CNTNAP2: variants seen among roughly 807,000 people sequenced by gnomAD.
The protein encoded by CNTNAP2 is contactin-associated protein-like 2.
Under a neutral mutation model 155.2 loss-of-function variants are expected in CNTNAP2, and 98 were observed. That is an observed-to-expected ratio of 0.63 (90% CI 0.54 to 0.75). CNTNAP2 has a LOEUF of 0.75. Ranked by LOEUF, CNTNAP2 falls within the 30% of genes least tolerant of loss-of-function variation. The pLI is 0.00. For missense variants in CNTNAP2, 1,727 were observed against 1,688.1 expected, an observed-to-expected ratio of 1.02 and a Z score of -0.40; for synonymous variants, 651 against 631.2, an observed-to-expected ratio of 1.03 and a Z score of -0.47.
intron 1 of CNTNAP2, among the ~76,000 whole-genome samples, chr7:146,299,552 T>G (rs1282487343): frequency 6.6e-6 from 1 of 152,076 alleles, no homozygotes; most frequent in Non-Finnish European, 1.5e-5. Flanking sequence ...AGCTAATTTT[T>G]TAGTTATTTT....
intron 2 of CNTNAP2, among the ~76,000 whole-genome samples, chr7:146,811,547 G>A (rs1803066383): frequency 6.6e-6 from 1 of 151,720 alleles, no homozygotes; most frequent in African/African-American, 2.4e-5. Flanking sequence ...TCTAGCTAAA[G>A]GTATATAAAT....
chr7:147,533,261 C>T (rs887452090), intron 11 of CNTNAP2, among the ~76,000 whole-genome samples: 4 of 152,054 alleles, frequency 2.6e-5, no homozygotes, highest in Admixed American at 2.6e-4. Context: ...TTTATTCATG[C>T]CTAGGACAAA....
chr7:147,462,971 T>A (rs567168957), intron 10 of CNTNAP2, among the ~76,000 whole-genome samples: 1 of 152,316 alleles, frequency 6.6e-6, no homozygotes, highest in South Asian at 2.1e-4. Flanking sequence ...ATGGTAAAAC[T>A]GTTTTATTTG....
intron 13 of CNTNAP2, among the ~76,000 whole-genome samples, chr7:147,829,079 T>C (rs1453039270): frequency 6.6e-6 from 1 of 152,186 alleles, no homozygotes; most frequent in Non-Finnish European, 1.5e-5. Flanking sequence ...TTATTGAGCC[T>C]TTAGTGTGTC....
chr7:147,793,399 A>G (rs980291664), intron 13 of CNTNAP2, among the ~76,000 whole-genome samples: 6 of 152,110 alleles, frequency 3.9e-5, no homozygotes, highest in African/African-American at 1.4e-4. Context: ...ATACTTTTGC[A>G]TGTGTATACC....
intron 1 of CNTNAP2, among the ~76,000 whole-genome samples, chr7:146,252,813 T>A (rs1358761777): frequency 6.6e-6 from 1 of 152,202 alleles, no homozygotes; most frequent in Non-Finnish European, 1.5e-5. Flanking sequence ...GACACATGCT[T>A]ATTCAAACCA....
At chr7:146,834,995 A>G (rs899504186) in intron 2 of CNTNAP2, among the ~76,000 whole-genome samples, 2 of 152,164 alleles carry the variant, frequency 1.3e-5, no homozygotes, top group South Asian at 2.1e-4. Context: ...GTTCCTCATG[A>G]AAGACTGACT....
At chr7:146,978,798 C>G (rs892299434) in intron 3 of CNTNAP2, among the ~76,000 whole-genome samples, 2 of 151,660 alleles carry the variant, frequency 1.3e-5, no homozygotes, top group African/African-American at 4.8e-5. Context: ...CTCTGAAGAT[C>G]CCAAAATAAA....
At chr7:148,403,178 C>G (rs189254095) in intron 22 of CNTNAP2, among the ~76,000 whole-genome samples, 1 of 150,182 alleles carries the variant, frequency 6.7e-6, no homozygotes, top group South Asian at 2.2e-4. Flanking sequence ...AAGACTCTCC[C>G]ATCATCAATT....
chr7:147,623,257 G>A (rs1281793932), intron 12 of CNTNAP2, among the ~76,000 whole-genome samples: 1 of 152,036 alleles, frequency 6.6e-6, no homozygotes, highest in African/African-American at 2.4e-5. Flanking sequence ...CTAAGCTAGA[G>A]CATTCAGACA....
At chr7:147,376,057 G>A (rs1293961383) in intron 9 of CNTNAP2, among the ~76,000 whole-genome samples, 1 of 151,916 alleles carries the variant, frequency 6.6e-6, no homozygotes, top group Admixed American at 6.6e-5. Flanking sequence ...GATAATGTGT[G>A]GAGTTTTCCC....
chr7:146,265,778 T>C (rs1799985399), intron 1 of CNTNAP2, among the ~76,000 whole-genome samples: 1 of 152,202 alleles, frequency 6.6e-6, no homozygotes, highest in Non-Finnish European at 1.5e-5. Context: ...TTTTCAAATG[T>C]AGAATACTGA....
At chr7:146,356,446 G>A (rs1224059753) in intron 1 of CNTNAP2, among the ~76,000 whole-genome samples, 2 of 152,042 alleles carry the variant, frequency 1.3e-5, no homozygotes, top group Non-Finnish European at 2.9e-5. Flanking sequence ...TTCATGTGGG[G>A]GTGTGGGAGG....
At chr7:146,904,766 C>T (rs750994928) in intron 3 of CNTNAP2, among the ~76,000 whole-genome samples, 9 of 152,162 alleles carry the variant, frequency 5.9e-5, no homozygotes, top group Non-Finnish European at 1.0e-4. Context: ...CCACCGCGTC[C>T]GGCCGAGAAT....
chr7:147,641,601 G>A (rs1351007681), intron 13 of CNTNAP2, among the ~76,000 whole-genome samples: 2 of 152,108 alleles, frequency 1.3e-5, no homozygotes, highest in African/African-American at 4.8e-5. Flanking sequence ...AACACCCAAT[G>A]TGACTATATT....
chr7:146,214,318 G>A (rs1799081435), intron 1 of CNTNAP2, among the ~76,000 whole-genome samples: 1 of 152,146 alleles, frequency 6.6e-6, no homozygotes, highest in African/African-American at 2.4e-5. Flanking sequence ...GTCATTCAGT[G>A]TAGGGTTCTA....
chr7:147,903,667 G>A lies in CNTNAP2; in HGVS notation c.2201G>A (p.Arg734His), dbSNP rs1060503570. The change falls in exon 14 of 24, where the codon CGC (arginine) becomes CAC (histidine). Residue 734 changes from arginine to histidine, a missense_variant. Physicochemically the swap from Arg to His is conservative, Grantham distance 29 (BLOSUM62 0). Transcript: ENST00000361727. ...GIQKCACGIE[R>H]NCTDPKYYCN... ...CAGAAATGTGCCTGCGGCATCGAAC[G>A]CAACTGCACAGATCCCAAGTACTAC... The A allele has an allele frequency of 3.1e-5, 50 of 1,613,856 alleles. No individual in the cohort carries two copies. The highest frequency in any genetic ancestry group is 3.9e-5 in the Non-Finnish European group (46 of 1,179,972).
At chr7:147,602,489 A>C (rs969844329) in intron 12 of CNTNAP2, among the ~76,000 whole-genome samples, 2 of 81,878 alleles carry the variant, frequency 2.4e-5, no homozygotes, top group African/African-American at 1.1e-4. Flanking sequence ...TTCATCCTAC[A>C]TCTTTTTTTT....
intron 22 of CNTNAP2, among the ~76,000 whole-genome samples, chr7:148,402,115 T>C (rs764947057): frequency 6.6e-6 from 1 of 152,214 alleles, no homozygotes; most frequent in Non-Finnish European, 1.5e-5. Flanking sequence ...TCATAACATA[T>C]AGCCGATGAC....
Sources: gnomAD v4.1 joint callset for allele counts (sites outside exome capture counted in the v4.1 genomes callset) on GRCh38, gnomAD v4.1.1 for gene constraint, MANE v1.5 for transcripts, NCBI Gene and HGNC (gene_info 2026-07-23, HGNC 2026-07-21) for gene names.